The following SLC71A1 variants were observed in gnomAD, a reference collection of about 807,000 sequenced individuals.
The protein encoded by SLC71A1 is solute carrier family 71 member 1.
At chr1:100,072,638 C>T in the SLC71A1 span, among the ~76,000 whole-genome samples, 16 of 151,636 alleles carry the variant, frequency 1.1e-4, no homozygotes, top group African/African-American at 3.9e-4. Context: ...GGAAGTGTTA[C>T]GTGAAATTAT....
chr1:100,049,334 T>G, the SLC71A1 span, among the ~76,000 whole-genome samples: 1 of 151,024 alleles, frequency 6.6e-6, no homozygotes, highest in African/African-American at 2.4e-5. Context: ...TTTTTTTTTT[T>G]TTTTGGTTAC....
At chr1:100,061,753 C>G in the SLC71A1 span, 1 of 871,754 alleles carries the variant, frequency 1.1e-6, no homozygotes, top group South Asian at 1.4e-5. Flanking sequence ...GCTGCTCTTA[C>G]GCTTAATTAA....
the SLC71A1 span, chr1:100,068,235 C>G: frequency 6.8e-7 from 1 of 1,471,628 alleles, no homozygotes; most frequent in South Asian, 1.2e-5. Context: ...TAAAAAAGTG[C>G]ATGATTCAGT....
the SLC71A1 span, among the ~76,000 whole-genome samples, chr1:100,065,857 TCTTTCCTTTCCA>T: frequency 0.033 from 4,951 of 151,670 alleles, 293 homozygotes; most frequent in African/African-American, 0.11. Flanking sequence ...TTTCCTTTCC[TCTTTCCTTTCCA>T]GACAGGGTGT....
At chr1:100,045,882 T>C in the SLC71A1 span, among the ~76,000 whole-genome samples, 1 of 152,158 alleles carries the variant, frequency 6.6e-6, no homozygotes, top group Admixed American at 6.5e-5. Flanking sequence ...TGTTTTCTTC[T>C]AGTCGTTTGT....
the SLC71A1 span, among the ~76,000 whole-genome samples, chr1:100,048,264 T>C: frequency 6.6e-6 from 1 of 152,006 alleles, no homozygotes; most frequent in Non-Finnish European, 1.5e-5. Flanking sequence ...CTGCAACCTC[T>C]GCCTCCCAGG....
the SLC71A1 span, among the ~76,000 whole-genome samples, chr1:100,061,598 A>G: frequency 3.9e-5 from 6 of 152,224 alleles, no homozygotes; most frequent in Non-Finnish European, 8.8e-5. Flanking sequence ...GCCTGAATAC[A>G]TGATCTAATT....
At chr1:100,046,531 C>G in the SLC71A1 span, among the ~76,000 whole-genome samples, 36 of 152,074 alleles carry the variant, frequency 2.4e-4, no homozygotes, top group Non-Finnish European at 4.3e-4. Flanking sequence ...CAGCCTCCAG[C>G]CTTGTTCTTT....
the SLC71A1 span, among the ~76,000 whole-genome samples, chr1:100,077,473 C>T: frequency 6.6e-6 from 1 of 151,996 alleles, no homozygotes; most frequent in Non-Finnish European, 1.5e-5. Flanking sequence ...AAAAAGGTGA[C>T]CTTTTATAGC....
chr1:100,043,060 G>A, the SLC71A1 span: 1 of 928,008 alleles, frequency 1.1e-6, no homozygotes, highest in Non-Finnish European at 1.3e-6. Flanking sequence ...TTAATATGCA[G>A]TTTTTTTTTC....
the SLC71A1 span, chr1:100,080,229 G>A: frequency 3.7e-6 from 1 of 266,776 alleles, no homozygotes; most frequent in African/African-American, 2.2e-5. Context: ...CTGTAATCTA[G>A]GGAAATAAAG....
chr1:100,068,346 A>G, the SLC71A1 span: 275 of 916,926 alleles, frequency 3.0e-4, no homozygotes, highest in African/African-American at 4.2e-3. Flanking sequence ...GGGGAATATG[A>G]AATAAATAAA....
the SLC71A1 span, among the ~76,000 whole-genome samples, chr1:100,054,504 C>G: frequency 6.6e-6 from 1 of 152,072 alleles, no homozygotes; most frequent in Admixed American, 6.6e-5. Context: ...AGCCACTGTT[C>G]CTGGCCGGCT....
the SLC71A1 span, chr1:100,061,898 A>G: frequency 5.0e-5 from 80 of 1,613,548 alleles, 2 homozygotes; most frequent in South Asian, 8.2e-4. Flanking sequence ...TGGTATTTGC[A>G]TACGTAGCAG....
At chr1:100,074,966 C>G in the SLC71A1 span, among the ~76,000 whole-genome samples, 1 of 152,204 alleles carries the variant, frequency 6.6e-6, no homozygotes, top group African/African-American at 2.4e-5. Flanking sequence ...GCATTCTAAG[C>G]CTTTTTTATT....
the SLC71A1 span, among the ~76,000 whole-genome samples, chr1:100,053,132 T>A: frequency 6.6e-6 from 1 of 152,240 alleles, no homozygotes; most frequent in African/African-American, 2.4e-5. Context: ...TCAGTATATG[T>A]CACTAATTAA....
At chr1:100,065,774 C>CCTCTCCTTTCCTTTCCTCTTCTCTT in the SLC71A1 span, among the ~76,000 whole-genome samples, 1 of 150,540 alleles carries the variant, frequency 6.6e-6, no homozygotes, top group Non-Finnish European at 1.5e-5. Flanking sequence ...CCTTTCTCCT[C>CCTCTCCTTTCCTTTCCTCTTCTCTT]CTCTCCTTTC....
the SLC71A1 span, chr1:100,080,226 C>G: frequency 1.5e-5 from 4 of 260,456 alleles, no homozygotes; most frequent in African/African-American, 8.8e-5. Context: ...AGGCTGTAAT[C>G]TAGGGAAATA....
chr1:100,050,468 T>C, the SLC71A1 span, among the ~76,000 whole-genome samples: 9 of 152,192 alleles, frequency 5.9e-5, no homozygotes, highest in South Asian at 2.1e-4. Flanking sequence ...TTTGAAACTT[T>C]AGAAAAGACC....
Sources: gnomAD v4.1 joint callset for allele counts (sites outside exome capture counted in the v4.1 genomes callset) on GRCh38, gnomAD v4.1.1 for gene constraint, MANE v1.5 for transcripts, NCBI Gene and HGNC (gene_info 2026-07-23, HGNC 2026-07-21) for gene names.